Variants in LRRC58 observed in about 807,000 individuals in gnomAD.
LRRC58 encodes the protein leucine-rich repeat-containing protein 58.
In LRRC58, 18 loss-of-function variants were observed where a neutral mutation model predicts 30.6. The ratio of observed to expected loss-of-function variants is 0.59; its 90% CI spans 0.41 to 0.87. The LOEUF (loss-of-function observed/expected upper bound fraction) is 0.87. Among genes scored for constraint, LRRC58 ranks in the 40% least tolerant of loss-of-function variants. The probability of loss-of-function intolerance (pLI) is 0.00; values close to 1 mark genes in which losing one functional copy is unlikely to be tolerated. For synonymous variants in LRRC58, 221 were observed against 206.0 expected (o/e 1.07, Z -0.62); for missense variants, 420 against 468.4 (o/e 0.90, Z 0.95).
intron 3 of LRRC58, among the ~76,000 whole-genome samples, chr3:120,331,853 C>T (rs540116659): frequency 6.6e-6 from 1 of 152,296 alleles, no homozygotes; most frequent in East Asian, 1.9e-4. Context: ...AAGGGGATGA[C>T]TTTTGGCACT....
At chr3:120,348,384 T>C (rs1242264331) in intron 1 of LRRC58, among the ~76,000 whole-genome samples, 2 of 152,214 alleles carry the variant, frequency 1.3e-5, no homozygotes, top group Admixed American at 6.5e-5. Context: ...GCACGTACTT[T>C]GATCTATAGA....
At chr3:120,340,027 A>G (rs1935885526) in intron 1 of LRRC58, among the ~76,000 whole-genome samples, 1 of 144,774 alleles carries the variant, frequency 6.9e-6, no homozygotes, top group African/African-American at 2.5e-5. Flanking sequence ...CGCCTGGCTA[A>G]TTTTTGTATT....
rs186975292 is a variant in LRRC58 at position 120,328,369 on chromosome 3, T to C, written c.*2831A>G. ...GATAAAGACTACTAAGAATGCACAA[T>C]GTACTAATTCCAATTTCAAATACTA... On this transcript the variant is annotated 3_prime_UTR_variant, in exon 4 of 4. Coordinates refer to ENST00000295628, the MANE Select transcript of LRRC58 (RefSeq NM_001099678.2). 1.6e-4 allele frequency: 24 copies of C among 152,322 alleles called. No homozygotes were observed. In the East Asian group the frequency reaches 1.9e-3, roughly 12 times the overall value. The allele number at this position is 152,322 out of a possible 1,614,324, so 9.4% of individuals were successfully genotyped here.
intron 1 of LRRC58, among the ~76,000 whole-genome samples, chr3:120,343,409 A>T (rs1007916483): frequency 6.6e-6 from 1 of 152,234 alleles, no homozygotes; most frequent in African/African-American, 2.4e-5. Context: ...TGTAGGGTTT[A>T]AGTTCTTGTG....
chr3:120,337,839 ATTTG>A (rs1935854561), intron 1 of LRRC58, among the ~76,000 whole-genome samples: 1 of 151,632 alleles, frequency 6.6e-6, no homozygotes, highest in Non-Finnish European at 1.5e-5. Flanking sequence ...AATCATTTCT[ATTTG>A]TTCTTTTTTT....
intron 1 of LRRC58, among the ~76,000 whole-genome samples, chr3:120,341,138 T>C (rs929080450): frequency 2.6e-5 from 4 of 152,218 alleles, no homozygotes; most frequent in Non-Finnish European, 4.4e-5. Flanking sequence ...AAACAGTTCC[T>C]AGGCAGGGTT....
At chr3:120,343,043 T>C (rs1376315728) in intron 1 of LRRC58, among the ~76,000 whole-genome samples, 1 of 152,228 alleles carries the variant, frequency 6.6e-6, no homozygotes, top group African/African-American at 2.4e-5. Flanking sequence ...CTTCTTTCAA[T>C]GCTTTGGAAG....
rs1229826171 is a variant in LRRC58 at position 120,325,626 on chromosome 3, G to A, written c.*5574C>T. ...TCAATTCTTAGTAAATATAGACCAA[G>A]AAGAGATAGAAAAAGAATGGGAGAT... is the stretch of plus-strand genomic sequence containing the variant. On this transcript the variant is annotated 3_prime_UTR_variant, in exon 4 of 4. Coordinates refer to ENST00000295628, the MANE Select transcript of LRRC58 (RefSeq NM_001099678.2). 2 of 152,078 alleles carry A rather than the reference G, an allele frequency of 1.3e-5. No individual in the cohort carries two copies. Among genetic ancestry groups the A allele is most frequent in the Non-Finnish European group, 2.9e-5 (2 of 68,016 alleles). 9.4% of individuals were successfully genotyped at this position (152,078 alleles called of 1,614,324 possible).
intron 1 of LRRC58, among the ~76,000 whole-genome samples, chr3:120,342,991 C>A (rs1208360983): frequency 6.6e-6 from 1 of 152,262 alleles, no homozygotes; most frequent in African/African-American, 2.4e-5. Context: ...CAGTCAGGAA[C>A]CAAGAAAAAC....
rs747934109 is a variant in LRRC58 at position 120,328,008 on chromosome 3, A to G, written c.*3192T>C. The G allele has an allele frequency of 3.3e-5, 5 of 152,148 alleles. No homozygotes were observed. Among genetic ancestry groups the G allele is most frequent in the Non-Finnish European group, 5.9e-5 (4 of 68,026 alleles). The allele number at this position is 152,148 out of a possible 1,614,324, so 9.4% of individuals were successfully genotyped here. On this transcript the variant is annotated 3_prime_UTR_variant, in exon 4 of 4. Coordinates refer to ENST00000295628, the MANE Select transcript of LRRC58 (RefSeq NM_001099678.2). Reference sequence around the variant, plus strand: ...ATGATCCATCCACTTCGGCCTCCCAAAGTGCTAAGATTATAGGTGTGTGCC... The same window carrying G: ...ATGATCCATCCACTTCGGCCTCCCAGAGTGCTAAGATTATAGGTGTGTGCC...
At position 120,349,089 on chromosome 3, in the gene LRRC58, GGCA is replaced by G. The variant is rs1559997245; in HGVS notation, c.152_154del (p.Leu51del). On this transcript the variant is annotated inframe_deletion, in exon 1 of 4. Coordinates refer to ENST00000295628, the MANE Select transcript of LRRC58 (RefSeq NM_001099678.2). ...TGGCAGCGACACCAGACGGTTGTGA[GGCA>G]GCAGCAGCCGCAGCAGCGCCTCCCG... 2 of 1,514,476 alleles carry G rather than the reference GGCA, an allele frequency of 1.3e-6. No individual in the cohort carries two copies. The highest frequency in any genetic ancestry group is 1.8e-6 in the Non-Finnish European group (2 of 1,139,880). The allele number at this position is 1,514,476 out of a possible 1,614,324, so 93.8% of individuals were successfully genotyped here.
At chr3:120,346,598 T>C (rs1046079498) in intron 1 of LRRC58, among the ~76,000 whole-genome samples, 3 of 152,200 alleles carry the variant, frequency 2.0e-5, no homozygotes, top group Non-Finnish European at 2.9e-5. Flanking sequence ...CCCCATGTGA[T>C]GGAAATAATA....
rs1259794028 is a variant in LRRC58, at chr3:120,331,277, T to A, written c.1039A>T (p.Thr347Ser). Reference protein sequence around the residue: ...SPCSSASHSSTSQSESDSEDE... With the variant: ...SPCSSASHSSSSQSESDSEDE... ...TCTGAGTCAGATTCACTCTGGGAAG[T>A]GGAGCTGTGAGAGGCAGAACTGCAA... The change falls in exon 4 of 4, where the codon ACT (threonine) becomes TCT (serine). Residue 347 changes from threonine to serine, a missense_variant. Physicochemically the swap from Thr to Ser is moderately conservative, Grantham distance 58. Transcript: ENST00000295628. The A allele has an allele frequency of 1.9e-6, 3 of 1,613,944 alleles. No homozygotes were observed. The highest frequency in any genetic ancestry group is 4.5e-5 in the East Asian group (2 of 44,878).
chr3:120,340,149 A>G (rs1264897551), intron 1 of LRRC58, among the ~76,000 whole-genome samples: 3 of 152,154 alleles, frequency 2.0e-5, no homozygotes, highest in Non-Finnish European at 4.4e-5. Flanking sequence ...ATGAGCCACC[A>G]TGCCCAGCTG....
chr3:120,345,006 C>T (rs1935950345), intron 1 of LRRC58, among the ~76,000 whole-genome samples: 1 of 152,046 alleles, frequency 6.6e-6, no homozygotes, highest in Admixed American at 6.5e-5. Context: ...GCATGGTTCA[C>T]ATTGATAACC....
intron 3 of LRRC58, among the ~76,000 whole-genome samples, chr3:120,331,857 T>C (rs558619924): frequency 2.0e-5 from 3 of 152,302 alleles, no homozygotes; most frequent in East Asian, 3.9e-4. Flanking sequence ...GGATGACTTT[T>C]GGCACTCCTG....
In LRRC58 at chr3:120,349,188, G is replaced by T. The variant is rs2107630057; in HGVS notation, c.56C>A (p.Ser19Tyr). The change falls in exon 1 of 4, where the codon TCC (serine) becomes TAC (tyrosine). Residue 19 changes from serine (S) to tyrosine (Y), a missense_variant. By Grantham distance (144) the Ser-to-Tyr change is moderately radical. Transcript: ENST00000295628. ...VTAGEAELNW[S>Y]RLSVSTETLE... Reference sequence around the variant, plus strand: ...CGTCTCGGTGGACACGCTGAGGCGGGACCAGTTCAGTTCGGCCTCCCCGGC... The same window carrying T: ...CGTCTCGGTGGACACGCTGAGGCGGTACCAGTTCAGTTCGGCCTCCCCGGC... 6.8e-7 allele frequency: 1 copy of T among 1,481,220 alleles called. No individual in the cohort carries two copies. The highest frequency in any genetic ancestry group is 2.8e-5 in the East Asian group (1 of 35,142). The allele number at this position is 1,481,220 out of a possible 1,614,324, so 91.8% of individuals were successfully genotyped here. A position where few individuals can be genotyped will look rare whatever the true frequency, so the allele number is the denominator to read the frequency against.
intron 3 of LRRC58, among the ~76,000 whole-genome samples, chr3:120,331,965 A>T (rs1477286262): frequency 2.0e-5 from 3 of 152,224 alleles, no homozygotes; most frequent in Non-Finnish European, 4.4e-5. Context: ...TTCACTGATG[A>T]TCTCACTTGA....
chr3:120,347,089 A>T (rs1249610815), intron 1 of LRRC58, among the ~76,000 whole-genome samples: 1 of 152,152 alleles, frequency 6.6e-6, no homozygotes, highest in Non-Finnish European at 1.5e-5. Context: ...GGCATTCTGT[A>T]GGTCTTCATA....
Sources: gnomAD v4.1 joint callset for allele counts (sites outside exome capture counted in the v4.1 genomes callset) on GRCh38, gnomAD v4.1.1 for gene constraint, MANE v1.5 for transcripts, NCBI Gene and HGNC (gene_info 2026-07-23, HGNC 2026-07-21) for gene names.